The following STK32B variants were observed in gnomAD, a reference collection of about 807,000 sequenced individuals.
STK32B encodes serine/threonine kinase 32B.
A neutral mutation model predicts 52.6 loss-of-function variants in STK32B; 43 were observed. The ratio of observed to expected loss-of-function variants is 0.82; its 90% CI spans 0.64 to 1.05. The LOEUF is 1.05. STK32B is among the 50% of genes least tolerant of loss of function. The pLI, the probability that STK32B is intolerant of heterozygous loss-of-function variation, is 0.00. For missense variants in STK32B, 621 were observed against 534.6 expected (o/e 1.16, Z -1.59); for synonymous variants, 238 against 204.3 (o/e 1.17, Z -1.41).
chr4:5,196,273 C>G (rs1721646495), intron 3 of STK32B, among the ~76,000 whole-genome samples: 1 of 151,786 alleles, frequency 6.6e-6, no homozygotes, highest in East Asian at 1.9e-4. Context: ...CTGATGCCAC[C>G]CCGCGAGGTT....
At chr4:5,150,919 C>T (rs1179516368) in intron 2 of STK32B, among the ~76,000 whole-genome samples, 4 of 152,200 alleles carry the variant, frequency 2.6e-5, no homozygotes, top group African/African-American at 7.2e-5. Context: ...TTTCAATCCA[C>T]GACAAAGTTA....
chr4:5,172,789 G>T (rs1188879060), intron 3 of STK32B, among the ~76,000 whole-genome samples: 1 of 152,146 alleles, frequency 6.6e-6, no homozygotes, highest in Non-Finnish European at 1.5e-5. Context: ...TTGTGTCTCT[G>T]CCAGGCTTTG....
chr4:5,489,755 A>C (rs1235422197), intron 11 of STK32B, among the ~76,000 whole-genome samples: 1 of 152,020 alleles, frequency 6.6e-6, no homozygotes, highest in Admixed American at 6.6e-5. Context: ...TAGTTTACCA[A>C]AGATTTACTT....
chr4:5,020,200 C>A, the STK32B span, among the ~76,000 whole-genome samples: 7 of 152,214 alleles, frequency 4.6e-5, no homozygotes, highest in African/African-American at 1.7e-4. Flanking sequence ...TCCCTCAGGG[C>A]TAACTTCCCA....
chr4:5,157,308 A>G (rs1419579029), intron 2 of STK32B, among the ~76,000 whole-genome samples: 3 of 151,766 alleles, frequency 2.0e-5, no homozygotes, highest in Admixed American at 2.0e-4. Context: ...GTAAAAAAAA[A>G]AAAAAAAAAA....
At chr4:5,044,880 C>T in the STK32B span, among the ~76,000 whole-genome samples, 1 of 152,158 alleles carries the variant, frequency 6.6e-6, no homozygotes, top group African/African-American at 2.4e-5. Flanking sequence ...CACTGCACTC[C>T]AGCCTCAGTG....
intron 3 of STK32B, among the ~76,000 whole-genome samples, chr4:5,287,017 C>G (rs905807521): frequency 6.6e-6 from 1 of 152,052 alleles, no homozygotes; most frequent in African/African-American, 2.4e-5. Flanking sequence ...AGGCTGGCCT[C>G]TAACTCCTGA....
chr4:5,259,598 A>G (rs1432252936), intron 3 of STK32B, among the ~76,000 whole-genome samples: 1 of 152,146 alleles, frequency 6.6e-6, no homozygotes, highest in African/African-American at 2.4e-5. Context: ...TTTATGAAGC[A>G]CTCATAATAT....
chr4:5,481,217 T>C (rs1392598866), intron 11 of STK32B, among the ~76,000 whole-genome samples: 3 of 152,216 alleles, frequency 2.0e-5, no homozygotes, highest in Non-Finnish European at 2.9e-5. Flanking sequence ...AAAGTGTTCC[T>C]ATTTCTCCAC....
intron 1 of STK32B, among the ~76,000 whole-genome samples, chr4:5,068,718 A>G (rs1377309845): frequency 6.6e-6 from 1 of 152,080 alleles, no homozygotes; most frequent in Non-Finnish European, 1.5e-5. Context: ...TATCTTGACC[A>G]TGACTTTAAT....
chr4:5,292,515 A>G (rs1226563055), intron 3 of STK32B, among the ~76,000 whole-genome samples: 1 of 151,444 alleles, frequency 6.6e-6, no homozygotes, highest in Admixed American at 6.6e-5. Context: ...GATTTGTTTC[A>G]GTTCCTTATA....
chr4:5,392,130 C>T (rs1736627202), intron 4 of STK32B, among the ~76,000 whole-genome samples: 1 of 152,184 alleles, frequency 6.6e-6, no homozygotes, highest in South Asian at 2.1e-4. Context: ...ATGTGAATAA[C>T]ATAATTTTTT....
At chr4:5,356,218 T>C (rs1204482622) in intron 4 of STK32B, among the ~76,000 whole-genome samples, 1 of 152,100 alleles carries the variant, frequency 6.6e-6, no homozygotes, top group Non-Finnish European at 1.5e-5. Context: ...TGTGGCAGCA[T>C]CACTCTGATT....
At chr4:5,296,119 G>A (rs1235551119) in intron 3 of STK32B, among the ~76,000 whole-genome samples, 2 of 151,966 alleles carry the variant, frequency 1.3e-5, no homozygotes, top group East Asian at 3.9e-4. Context: ...TTGCACTGTG[G>A]TGAGTGACTG....
chr4:5,415,365 A>G (rs1712072178), intron 5 of STK32B, among the ~76,000 whole-genome samples: 1 of 152,204 alleles, frequency 6.6e-6, no homozygotes, highest in African/African-American at 2.4e-5. Context: ...GCCCAAGGTT[A>G]TACAGCTACT....
chr4:5,347,537 A>G (rs1733547678), intron 4 of STK32B, among the ~76,000 whole-genome samples: 1 of 152,170 alleles, frequency 6.6e-6, no homozygotes, highest in South Asian at 2.1e-4. Flanking sequence ...GAGCCTTAAA[A>G]CTGAAAGAGT....
chr4:5,367,548 C>T (rs1032753711), intron 4 of STK32B, among the ~76,000 whole-genome samples: 1 of 152,064 alleles, frequency 6.6e-6, no homozygotes, highest in African/African-American at 2.4e-5. Context: ...GGCTGGAAGG[C>T]CAGCAGACTC....
chr4:5,317,536 C>CATATATATATATATATAT (rs201529318), intron 3 of STK32B, among the ~76,000 whole-genome samples: 6 of 93,542 alleles, frequency 6.4e-5, no homozygotes, highest in African/African-American at 4.1e-4. Flanking sequence ...ATATATATTA[C>CATATATATATATATATAT]ATGTATATAT....
At chr4:5,303,903 C>T (rs562955557) in intron 3 of STK32B, among the ~76,000 whole-genome samples, 2 of 145,930 alleles carry the variant, frequency 1.4e-5, no homozygotes, top group Non-Finnish European at 2.9e-5. Context: ...CATGGACTTG[C>T]CATTATCCCA....
Sources: allele counts gnomAD v4.1 joint callset (sites outside exome capture counted in the v4.1 genomes callset), GRCh38; gene constraint gnomAD v4.1.1; transcripts MANE v1.5; gene names NCBI Gene and HGNC (gene_info 2026-07-23, HGNC 2026-07-21).